The following NPAS3 variants were observed in gnomAD, a reference collection of about 807,000 sequenced individuals.
NPAS3 encodes the protein neuronal PAS domain protein 3, also known as neuronal PAS domain-containing protein 3.
In NPAS3, 14 loss-of-function variants were observed where a neutral mutation model predicts 73.1. The observed-to-expected ratio is 0.19, with a 90% CI of 0.13 to 0.30. The LOEUF (loss-of-function observed/expected upper bound fraction) is 0.30, where lower values mean the gene tolerates loss of function less well. Ranked by LOEUF, NPAS3 falls within the 10% of genes least tolerant of loss-of-function variation. NPAS3 has a pLI of 1.00. For synonymous variants in NPAS3, 620 were observed against 541.5 expected (o/e 1.14, Z -2.01); for missense variants, 1,096 against 1,250.0 (o/e 0.88, Z 1.86).
chr14:33,348,719 C>T (rs777326858), intron 3 of NPAS3, among the ~76,000 whole-genome samples: 3 of 151,886 alleles, frequency 2.0e-5, no homozygotes, highest in Non-Finnish European at 2.9e-5. Context: ...AGGAGCCATG[C>T]CAAGGCCTGG....
At chr14:33,538,437 A>C (rs924989392) in intron 4 of NPAS3, among the ~76,000 whole-genome samples, 1 of 152,228 alleles carries the variant, frequency 6.6e-6, no homozygotes, top group Non-Finnish European at 1.5e-5. Flanking sequence ...ATATCCCTGC[A>C]TTCAGCAGTT....
chr14:33,266,661 T>G lies in NPAS3; in HGVS notation c.385+51235T>G, dbSNP rs150659468. On this transcript the variant is annotated intron_variant, in intron 3 of 11. Transcript: ENST00000356141. The stretch of plus-strand genomic sequence containing the variant: ...GAAAACTGAGGCTCATGGAGAGTGA[T>G]TGGATCAAGGTCATTCAGCTAATGC... 3.7e-3 allele frequency among the ~76,000 whole-genome samples: 556 copies of G among 152,266 alleles called. 4 individuals are homozygous for G. The highest frequency in any genetic ancestry group is 0.012 in the African/African-American group (482 of 41,586).
chr14:33,498,928 G>A (rs940594165), intron 4 of NPAS3, among the ~76,000 whole-genome samples: 2 of 101,196 alleles, frequency 2.0e-5, no homozygotes, highest in South Asian at 3.9e-4. Flanking sequence ...GAGAGAGACA[G>A]AGAGAGAGTG....
chr14:33,782,822 T>A lies in NPAS3; in HGVS notation c.1153+4250T>A, dbSNP rs534559849. 6.9e-3 allele frequency among the ~76,000 whole-genome samples: 973 copies of A among 140,612 alleles called. 8 individuals carry two copies. The highest frequency in any genetic ancestry group is 0.021 in the African/African-American group (789 of 36,902). The allele number at this position is 140,612 out of a possible 152,430, so 92.2% of individuals were successfully genotyped here. ...CAACATACTTGGGGGTTGTTTTTTTTTAAAAAAAAGAAAAAAACAGTAGCT... is the reference window on the plus strand; with the variant it reads ...CAACATACTTGGGGGTTGTTTTTTTATAAAAAAAAGAAAAAAACAGTAGCT... On this transcript the variant is annotated intron_variant, in intron 9 of 11. Coordinates refer to ENST00000356141, the Ensembl canonical transcript of NPAS3.
intron 1 of NPAS3, among the ~76,000 whole-genome samples, chr14:33,045,323 A>C (rs1287271090): frequency 6.6e-6 from 1 of 152,164 alleles, no homozygotes; most frequent in Non-Finnish European, 1.5e-5. Context: ...TTGCTGGAGA[A>C]ATCTTAGTAT....
intron 4 of NPAS3, among the ~76,000 whole-genome samples, chr14:33,533,210 A>C (rs1168173124): frequency 6.6e-6 from 1 of 152,174 alleles, no homozygotes; most frequent in Non-Finnish European, 1.5e-5. Flanking sequence ...ACCGTAAATA[A>C]AATTAAAAGA....
At chr14:33,648,177 G>A (rs1299540596) in intron 5 of NPAS3, among the ~76,000 whole-genome samples, 1 of 152,150 alleles carries the variant, frequency 6.6e-6, no homozygotes, top group African/African-American at 2.4e-5. Flanking sequence ...AGGAAGCAAA[G>A]TTACTGAGAT....
At chr14:33,541,708 A>G (rs1253946777) in intron 4 of NPAS3, among the ~76,000 whole-genome samples, 2 of 152,208 alleles carry the variant, frequency 1.3e-5, no homozygotes, top group African/African-American at 4.8e-5. Context: ...TGAAAGGGCT[A>G]TCTGTACAAA....
chr14:33,743,524 G>A (rs2061706782), intron 7 of NPAS3, among the ~76,000 whole-genome samples: 1 of 152,138 alleles, frequency 6.6e-6, no homozygotes, highest in East Asian at 1.9e-4. Context: ...ACTAGATTTA[G>A]CATAATTCTT....
chr14:33,772,272 G>A (rs932189386), intron 7 of NPAS3, among the ~76,000 whole-genome samples: 3 of 152,134 alleles, frequency 2.0e-5, no homozygotes, highest in Non-Finnish European at 4.4e-5. Context: ...ACTTGCCCGT[G>A]GTAACGGAAT....
intron 6 of NPAS3, among the ~76,000 whole-genome samples, chr14:33,712,717 C>T (rs952066623): frequency 6.6e-6 from 1 of 152,130 alleles, no homozygotes; most frequent in African/African-American, 2.4e-5. Flanking sequence ...TAATGGGCTA[C>T]ACCAGGCTGC....
chr14:33,664,285 A>G lies in NPAS3; in HGVS notation c.559-11926A>G, dbSNP rs75120703. ...CAATGGGGAAAGGATTCCCTATTTA[A>G]CAAACGGTGTTGAGAAAACCGGCTA... On this transcript the variant is annotated intron_variant, in intron 5 of 11. Transcript: ENST00000356141. 1.4e-3 allele frequency among the ~76,000 whole-genome samples: 217 copies of G among 152,338 alleles called. 1 individual carries two copies. The highest frequency in any genetic ancestry group is 5.0e-3 in the African/African-American group (207 of 41,570).
chr14:33,608,049 G>A (rs2057633304), intron 5 of NPAS3, among the ~76,000 whole-genome samples: 1 of 152,100 alleles, frequency 6.6e-6, no homozygotes, highest in Non-Finnish European at 1.5e-5. Flanking sequence ...GATTTGGGTG[G>A]GGACACAGCC....
chr14:33,081,575 C>G (rs1278435357), intron 2 of NPAS3, among the ~76,000 whole-genome samples: 1 of 151,368 alleles, frequency 6.6e-6, no homozygotes, highest in African/African-American at 2.4e-5. Context: ...ATCATTAGGC[C>G]TCCCCACCAT....
chr14:33,031,712 C>T (rs1303416900), intron 1 of NPAS3, among the ~76,000 whole-genome samples: 1 of 152,202 alleles, frequency 6.6e-6, no homozygotes, highest in Non-Finnish European at 1.5e-5. Context: ...TGGTCTCAAA[C>T]TCTTGGGTTC....
At chr14:33,235,992 A>G (rs529753267) in intron 3 of NPAS3, among the ~76,000 whole-genome samples, 12 of 151,830 alleles carry the variant, frequency 7.9e-5, no homozygotes, top group East Asian at 1.9e-4. Flanking sequence ...GGGTCTCACA[A>G]TGTTGCCCAG....
At chr14:33,139,947 T>TA (rs1187820645) in intron 2 of NPAS3, among the ~76,000 whole-genome samples, 1 of 151,854 alleles carries the variant, frequency 6.6e-6, no homozygotes, top group Non-Finnish European at 1.5e-5. Flanking sequence ...TGCATGATTT[T>TA]TTTTTTCAAG....
intron 4 of NPAS3, among the ~76,000 whole-genome samples, chr14:33,465,374 G>T (rs1045626460): frequency 3.3e-5 from 5 of 152,152 alleles, no homozygotes; most frequent in Non-Finnish European, 7.3e-5. Flanking sequence ...GAGTAAAAAA[G>T]TTTAAAATGT....
chr14:33,267,973 A>T (rs148417418), intron 3 of NPAS3, among the ~76,000 whole-genome samples: 1 of 152,190 alleles, frequency 6.6e-6, no homozygotes, highest in Admixed American at 6.5e-5. Context: ...GTTTCATTTT[A>T]TCTCCTACTG....
Sources: allele counts gnomAD v4.1 joint callset (sites outside exome capture counted in the v4.1 genomes callset), GRCh38; gene constraint gnomAD v4.1.1; transcripts MANE v1.5; gene names NCBI Gene and HGNC (gene_info 2026-07-23, HGNC 2026-07-21).